Variants in MAGI1 observed in about 807,000 individuals in gnomAD.
MAGI1 encodes the protein membrane-associated guanylate kinase, WW and PDZ domain-containing protein 1.
A neutral mutation model predicts 139.9 loss-of-function variants in MAGI1; 58 were observed. The observed-to-expected ratio is 0.41, with a 90% CI of 0.34 to 0.52. The LOEUF is 0.52. Among genes scored for constraint, MAGI1 ranks in the 20% least tolerant of loss-of-function variants. MAGI1 has a pLI of 0.12. For missense variants in MAGI1, 1,874 were observed against 1,901.6 expected (o/e 0.99, Z 0.27); for synonymous variants, 812 against 737.9 (o/e 1.10, Z -1.63).
At chr3:65,669,342 A>G (rs1482192460) in intron 1 of MAGI1, among the ~76,000 whole-genome samples, 2 of 152,198 alleles carry the variant, frequency 1.3e-5, no homozygotes, top group African/African-American at 4.8e-5. Flanking sequence ...CTCTTGTTTG[A>G]TGAGAGGAAT....
intron 1 of MAGI1, among the ~76,000 whole-genome samples, chr3:65,664,213 T>C (rs983947413): frequency 8.5e-5 from 13 of 152,134 alleles, no homozygotes; most frequent in African/African-American, 3.1e-4. Flanking sequence ...ATTATTACAG[T>C]ATGTATTTCA....
intron 18 of MAGI1, chr3:65,371,808 C>A: frequency 3.6e-6 from 1 of 275,926 alleles, no homozygotes; most frequent in South Asian, 3.2e-5. Flanking sequence ...TTTGTTCATC[C>A]ATAAGAAGCA....
chr3:65,588,144 T>C (rs891672778), intron 2 of MAGI1, among the ~76,000 whole-genome samples: 6 of 152,224 alleles, frequency 3.9e-5, no homozygotes, highest in Non-Finnish European at 8.8e-5. Flanking sequence ...TGAAAATTGA[T>C]GCTTTCAACT....
Position 65,446,048 on chromosome 3 carries a change from G to T in MAGI1, c.1078+1974C>A, listed in dbSNP as rs149257588. Among the ~76,000 whole-genome samples the T allele has an allele frequency of 4.0e-3, 613 of 152,148 alleles. 7 individuals are homozygous for T. Among genetic ancestry groups the T allele is most frequent in the African/African-American group, 0.014 (584 of 41,526 alleles). The stretch of plus-strand genomic sequence containing the variant: ...TGGACATGTGCAGGCAAAAATCAAA[G>T]GTTTTATCTCTACCCTTCCTACAAG... On this transcript the variant is annotated intron_variant, in intron 7 of 22. Coordinates refer to ENST00000402939, the MANE Select transcript of MAGI1 (RefSeq NM_001033057.2).
intron 4 of MAGI1, 48 bp downstream of exon 4, chr3:65,478,544 G>T: frequency 6.4e-7 from 1 of 1,560,880 alleles, no homozygotes; most frequent in Non-Finnish European, 8.8e-7. Context: ...AAGCCTCCTC[G>T]TCATCCCTTC....
intron 4 of MAGI1, among the ~76,000 whole-genome samples, chr3:65,476,017 G>A (rs1375007526): frequency 6.6e-6 from 1 of 151,598 alleles, no homozygotes; most frequent in Admixed American, 6.6e-5. Flanking sequence ...TATCATAGCT[G>A]GCCCAAGCAG....
chr3:65,526,520 A>C (rs1346477125), intron 2 of MAGI1, among the ~76,000 whole-genome samples: 4 of 152,224 alleles, frequency 2.6e-5, no homozygotes, highest in African/African-American at 9.6e-5. Context: ...CCATTATGAC[A>C]GTATTAAAGA....
At chr3:65,526,632 A>T (rs981221843) in intron 2 of MAGI1, among the ~76,000 whole-genome samples, 10 of 152,200 alleles carry the variant, frequency 6.6e-5, no homozygotes, top group African/African-American at 2.4e-4. Context: ...GAAAAGCCCA[A>T]TTCTCTCCTC....
At chr3:65,498,289 A>AC (rs879144619) in intron 2 of MAGI1, among the ~76,000 whole-genome samples, 1 of 56,438 alleles carries the variant, frequency 1.8e-5, no homozygotes, top group South Asian at 5.5e-4. Flanking sequence ...AAAAAAAAAG[A>AC]AAAAAAAAAG....
intron 2 of MAGI1, among the ~76,000 whole-genome samples, chr3:65,554,288 A>G (rs2079985227): frequency 6.6e-6 from 1 of 152,174 alleles, no homozygotes; most frequent in Non-Finnish European, 1.5e-5. Context: ...ATAATCATCA[A>G]AATAAACATA....
chr3:65,983,621 T>G (rs532983349), intron 1 of MAGI1, among the ~76,000 whole-genome samples: 1 of 152,308 alleles, frequency 6.6e-6, no homozygotes, highest in African/African-American at 2.4e-5. Context: ...TTGATAGCAG[T>G]CTTTTAAATA....
intron 1 of MAGI1, among the ~76,000 whole-genome samples, chr3:65,954,183 T>G (rs1463069146): frequency 6.6e-6 from 1 of 152,146 alleles, no homozygotes; most frequent in African/African-American, 2.4e-5. Flanking sequence ...GGGGGAATAA[T>G]CCTATAAGAA....
intron 1 of MAGI1, among the ~76,000 whole-genome samples, chr3:65,899,054 T>C (rs1022266464): frequency 1.3e-5 from 2 of 152,084 alleles, no homozygotes; most frequent in African/African-American, 4.8e-5. Context: ...CCTGGGCAGC[T>C]GGGACTACAG....
chr3:65,491,126 T>A (rs1264192842), intron 3 of MAGI1, among the ~76,000 whole-genome samples: 1 of 152,184 alleles, frequency 6.6e-6, no homozygotes, highest in Non-Finnish European at 1.5e-5. Flanking sequence ...TTCCTTAGCT[T>A]CTTAGTTATA....
chr3:65,495,615 A>C (rs1952374588), intron 2 of MAGI1, among the ~76,000 whole-genome samples: 2 of 152,238 alleles, frequency 1.3e-5, no homozygotes, highest in Non-Finnish European at 2.9e-5. Flanking sequence ...ACAAATATGT[A>C]TATAAATAAA....
In MAGI1 at chr3:65,468,151, T is replaced by C. The variant is rs1469778479; in HGVS notation, c.959+2132A>G. Among the ~76,000 whole-genome samples, 3 of 152,304 alleles carry C rather than the reference T, an allele frequency of 2.0e-5. No individual in the cohort carries two copies. In the South Asian group the frequency reaches 6.2e-4, roughly 32 times the overall value. On this transcript the variant is annotated intron_variant, in intron 5 of 22. Transcript: ENST00000402939. ...CTAAGGTCAAATAACTTGTAAATGA[T>C]GGAAACAACATGACCCTTTAGTTGA...
chr3:65,590,164 C>T (rs887675101), intron 2 of MAGI1, among the ~76,000 whole-genome samples: 1 of 152,118 alleles, frequency 6.6e-6, no homozygotes, highest in Admixed American at 6.5e-5. Context: ...TAGACAAAGT[C>T]AGGTCAGTCT....
chr3:65,833,479 C>A (rs1323962984), intron 1 of MAGI1, among the ~76,000 whole-genome samples: 2 of 152,132 alleles, frequency 1.3e-5, no homozygotes, highest in African/African-American at 4.8e-5. Flanking sequence ...CCAGTAGCAT[C>A]AGAGACCAAC....
chr3:65,560,013 G>T (rs893546039), intron 2 of MAGI1, among the ~76,000 whole-genome samples: 4 of 152,166 alleles, frequency 2.6e-5, no homozygotes, highest in Non-Finnish European at 5.9e-5. Context: ...TCCAGCCTGG[G>T]CGAGAGAGTG....
Sources: allele counts gnomAD v4.1 joint callset (sites outside exome capture counted in the v4.1 genomes callset), GRCh38; gene constraint gnomAD v4.1.1; transcripts MANE v1.5; gene names NCBI Gene and HGNC (gene_info 2026-07-23, HGNC 2026-07-21).